The following NEO1 variants were observed in gnomAD, a reference collection of about 807,000 sequenced individuals.
NEO1 encodes the protein neogenin.
A neutral mutation model predicts 159.7 loss-of-function variants in NEO1; 63 were observed. The observed-to-expected ratio is 0.39, with a 90% CI of 0.32 to 0.49. The LOEUF (loss-of-function observed/expected upper bound fraction) is 0.49. NEO1 is among the 20% of genes least tolerant of loss of function. The pLI, the probability that NEO1 is intolerant of heterozygous loss-of-function variation, is 0.85. For missense variants in NEO1, 1,615 were observed against 1,831.0 expected (o/e 0.88, Z 2.15); for synonymous variants, 633 against 662.0 (o/e 0.96, Z 0.67).
intron 7 of NEO1, among the ~76,000 whole-genome samples, chr15:73,232,324 TC>T (rs1753618785): frequency 6.6e-6 from 1 of 152,232 alleles, no homozygotes. Flanking sequence ...ATTTGCATTT[TC>T]TAAAAGTCTC....
chr15:73,084,203 T>A lies in NEO1; in HGVS notation c.130+31398T>A, dbSNP rs1345189785. Among the ~76,000 whole-genome samples the A allele has an allele frequency of 2.0e-5, 3 of 152,122 alleles. No homozygotes were observed. In the East Asian group the frequency reaches 5.8e-4, roughly 29 times the overall value. On this transcript the variant is annotated intron_variant, in intron 1 of 28. Coordinates refer to ENST00000261908, the MANE Select transcript of NEO1 (RefSeq NM_002499.4). ...CAGCGATTTTCAAGAATATAATACATTGTTATAATATTAACTACACTAACC... is the reference window on the plus strand; with the variant it reads ...CAGCGATTTTCAAGAATATAATACAATGTTATAATATTAACTACACTAACC...
chr15:73,264,195 A>G (rs1364036286), intron 15 of NEO1, among the ~76,000 whole-genome samples: 3 of 152,120 alleles, frequency 2.0e-5, no homozygotes, highest in South Asian at 4.1e-4. Flanking sequence ...GAAAAGAAAA[A>G]AAAAAAATGT....
intron 7 of NEO1, among the ~76,000 whole-genome samples, chr15:73,200,751 G>A (rs1052851603): frequency 1.4e-5 from 2 of 144,378 alleles, no homozygotes; most frequent in Non-Finnish European, 3.0e-5. Context: ...TGTCATGATC[G>A]GGGCTCACGG....
At chr15:73,255,386 A>C (rs8024434) in intron 13 of NEO1, 11,343 of 152,360 alleles carry the variant, frequency 0.074, 515 homozygotes, top group Non-Finnish European at 0.091. Context: ...CCTGGTAAAA[A>C]TGGATCCACA....
At position 73,293,472 on chromosome 15, in the gene NEO1, C is replaced by T. The variant is rs1168307738; in HGVS notation, c.3825C>T (p.Arg1275=). 4 of 1,614,170 alleles carry T rather than the reference C, an allele frequency of 2.5e-6. No individual in the cohort carries two copies. The Admixed American group carries it at 6.7e-5, about 27-fold the overall frequency. Residue 1275 remains arginine, a synonymous_variant, in exon 26 of 29, where the codon CGC becomes CGT. Coordinates refer to ENST00000261908, the MANE Select transcript of NEO1 (RefSeq NM_002499.4). ...FHSSSLASPA[R]SHLYHPGSPW... The stretch of plus-strand genomic sequence containing the variant: ...CCAGCAGCCTCGCTTCTCCAGCTCG[C>T]AGTCATCTCTACCACCCGGGCAGCC...
chr15:73,157,825 T>G (rs574626013), intron 5 of NEO1, among the ~76,000 whole-genome samples: 19 of 148,446 alleles, frequency 1.3e-4, no homozygotes, highest in African/African-American at 4.7e-4. Context: ...TAACTCTGTT[T>G]TATTGAAAAC....
chr15:73,199,598 A>G (rs1053254521), intron 7 of NEO1, among the ~76,000 whole-genome samples: 3 of 152,140 alleles, frequency 2.0e-5, no homozygotes, highest in Non-Finnish European at 4.4e-5. Context: ...TTTTCTGGTA[A>G]TGTCTTTGTC....
intron 5 of NEO1, among the ~76,000 whole-genome samples, chr15:73,142,041 A>G (rs989890359): frequency 6.6e-6 from 1 of 151,636 alleles, no homozygotes; most frequent in South Asian, 2.1e-4. Context: ...TAATTTACCT[A>G]TGTCTTTGTT....
intron 7 of NEO1, among the ~76,000 whole-genome samples, chr15:73,191,536 T>C (rs1462390511): frequency 3.0e-5 from 4 of 132,832 alleles, no homozygotes; most frequent in Non-Finnish European, 6.9e-5. Flanking sequence ...GGAAAGAACA[T>C]AGAAAGACAG....
chr15:73,295,454 C>G (rs1358536068), intron 26 of NEO1, among the ~76,000 whole-genome samples: 1 of 151,400 alleles, frequency 6.6e-6, no homozygotes, highest in African/African-American at 2.4e-5. Flanking sequence ...CCTCCTTCCT[C>G]CTGGGTTTGG....
chr15:73,110,758 T>A (rs1200674775), intron 1 of NEO1, among the ~76,000 whole-genome samples: 1 of 152,182 alleles, frequency 6.6e-6, no homozygotes, highest in Admixed American at 6.5e-5. Context: ...ATCCAGTGAC[T>A]CTGGCCATAC....
At chr15:73,246,951 T>C (rs538123300) in intron 9 of NEO1, among the ~76,000 whole-genome samples, 19 of 152,204 alleles carry the variant, frequency 1.2e-4, no homozygotes, top group Non-Finnish European at 2.4e-4. Context: ...GATGTAAAGA[T>C]GAGTAAGACT....
At chr15:73,108,059 T>C (rs1386061123) in intron 1 of NEO1, among the ~76,000 whole-genome samples, 1 of 152,226 alleles carries the variant, frequency 6.6e-6, no homozygotes, top group African/African-American at 2.4e-5. Context: ...AAAGCTTTCA[T>C]GAACGTTCTG....
At chr15:73,199,423 T>G (rs1183853333) in intron 7 of NEO1, among the ~76,000 whole-genome samples, 1 of 152,128 alleles carries the variant, frequency 6.6e-6, no homozygotes, top group African/African-American at 2.4e-5. Flanking sequence ...TTATACACTG[T>G]CTACATTTAA....
At chr15:73,061,255 G>C (rs541282022) in intron 1 of NEO1, among the ~76,000 whole-genome samples, 2 of 152,358 alleles carry the variant, frequency 1.3e-5, no homozygotes, top group African/African-American at 4.8e-5. Flanking sequence ...TAAGAACACA[G>C]AGATATCTTC....
intron 7 of NEO1, among the ~76,000 whole-genome samples, chr15:73,220,003 A>G (rs1454975615): frequency 6.7e-6 from 1 of 149,966 alleles, no homozygotes; most frequent in Admixed American, 6.6e-5. Flanking sequence ...TAGTTGATGC[A>G]GTTTCTTCCT....
intron 8 of NEO1, 37 bp from the exon 9 acceptor site, chr15:73,244,307 A>C (rs1428210460): frequency 5.7e-6 from 9 of 1,586,604 alleles, no homozygotes; most frequent in Non-Finnish European, 7.7e-6. Context: ...AAGTATTCCT[A>C]ATTAATGCTA....
At chr15:73,136,963 G>A (rs1305466545) in intron 5 of NEO1, among the ~76,000 whole-genome samples, 12 of 152,230 alleles carry the variant, frequency 7.9e-5, no homozygotes, top group South Asian at 2.1e-4. Context: ...AACTCTGACC[G>A]GGACTGTTGC....
chr15:73,281,367 G>T (rs1034322075), intron 22 of NEO1, among the ~76,000 whole-genome samples: 1 of 151,308 alleles, frequency 6.6e-6, no homozygotes, highest in African/African-American at 2.4e-5. Flanking sequence ...CCATTCTGCT[G>T]CCTCAGCCTC....
Sources: gnomAD v4.1 joint callset for allele counts (sites outside exome capture counted in the v4.1 genomes callset) on GRCh38, gnomAD v4.1.1 for gene constraint, MANE v1.5 for transcripts, NCBI Gene and HGNC (gene_info 2026-07-23, HGNC 2026-07-21) for gene names.